KIF13A: variants seen among roughly 807,000 people sequenced by gnomAD.
The protein encoded by KIF13A is kinesin-like protein KIF13A.
In KIF13A, 79 loss-of-function variants were observed where a neutral mutation model predicts 212.2. The ratio of observed to expected loss-of-function variants is 0.37; its 90% CI spans 0.31 to 0.45. The LOEUF (loss-of-function observed/expected upper bound fraction) is 0.45. KIF13A is among the 20% of genes least tolerant of loss of function. The probability of loss-of-function intolerance (pLI) is 1.00; values close to 1 mark genes in which losing one functional copy is unlikely to be tolerated. For missense variants in KIF13A, 1,901 were observed against 2,209.0 expected, an observed-to-expected ratio of 0.86 and a Z score of 2.79; for synonymous variants, 789 against 808.6, an observed-to-expected ratio of 0.98 and a Z score of 0.41.
At chr6:17,791,876 G>A (rs1464781952) in intron 25 of KIF13A, among the ~76,000 whole-genome samples, 1 of 145,996 alleles carries the variant, frequency 6.8e-6, no homozygotes, top group East Asian at 2.0e-4. Flanking sequence ...CTCCAGCCTG[G>A]GTGACAGAGA....
intron 16 of KIF13A, among the ~76,000 whole-genome samples, chr6:17,821,552 G>GGTGTGTGT (rs111387037): frequency 0.012 from 1,318 of 112,080 alleles, 70 homozygotes; most frequent in African/African-American, 0.032. Context: ...ATTGGGACAT[G>GGTGTGTGT]GTGTGTGTGT....
chr6:17,815,826 C>A (rs1043049200), intron 17 of KIF13A, among the ~76,000 whole-genome samples: 1 of 151,884 alleles, frequency 6.6e-6, no homozygotes, highest in Non-Finnish European at 1.5e-5. Flanking sequence ...GGTGGCTTGC[C>A]ACCCACACTC....
At chr6:17,779,778 C>A (rs543188717) in intron 31 of KIF13A, 94 bp from the exon 32 acceptor site, 11 of 473,372 alleles carry the variant, frequency 2.3e-5, no homozygotes, top group Admixed American at 4.1e-5. Context: ...GTCTCGCTGT[C>A]GCCCAGGCTG....
intron 2 of KIF13A, among the ~76,000 whole-genome samples, chr6:17,907,815 C>A (rs1210852236): frequency 6.6e-6 from 1 of 152,152 alleles, no homozygotes; most frequent in Non-Finnish European, 1.5e-5. Context: ...TAGACAAGAA[C>A]CAAAATGCAG....
rs1781376581 is a variant in KIF13A at position 17,984,498 on chromosome 6, C to T, written c.146+2556G>A. ...GCAACAAAACAAACATCTTTAACCTCAGAGATCCTCTGATCTTTTAGTCCT... is the reference window on the plus strand; with the variant it reads ...GCAACAAAACAAACATCTTTAACCTTAGAGATCCTCTGATCTTTTAGTCCT... On this transcript the variant is annotated intron_variant, in intron 2 of 38. Transcript: ENST00000259711. This position sits in a 1 kb window ranked among gnomAD's most constrained non-coding sequence, Gnocchi z 5.0. The T allele has an allele frequency of 1.0e-6, 1 of 984,624 alleles. No homozygotes were observed. The highest frequency in any genetic ancestry group is 6.1e-5 in the Admixed American group (1 of 16,268). The allele number at this position is 984,624 out of a possible 1,614,324, so 61.0% of individuals were successfully genotyped here.
Position 17,775,064 on chromosome 6 carries a change from T to A in KIF13A, c.4171-2A>T, listed in dbSNP as rs1173359144. 6.2e-7 allele frequency: 1 copy of A among 1,609,998 alleles called. No individual in the cohort carries two copies. Among genetic ancestry groups the A allele is most frequent in the African/African-American group, 1.3e-5 (1 of 74,934 alleles). ...AAGGTCCGGTCGGCTGGAAGAGACCTATAAGAGAAGAATGGTTTTAGCAAT... is the reference window on the plus strand; with the variant it reads ...AAGGTCCGGTCGGCTGGAAGAGACCAATAAGAGAAGAATGGTTTTAGCAAT... On this transcript the variant is annotated splice_acceptor_variant, in intron 34 of 38. Transcript: ENST00000259711. LOFTEE classifies it high-confidence loss of function.
rs1766675195 is a variant in KIF13A, at chr6:17,843,032, T to C, written c.831-5449A>G. ...TCCAATAATCAGTTCTAAGATCATA[T>C]ATATAATACTTATTAAACTTTATTG... On this transcript the variant is annotated intron_variant, in intron 9 of 38. Transcript: ENST00000259711. The surrounding 1 kb of genome is among the most constrained non-coding windows in gnomAD (Gnocchi z 5.3). Among the ~76,000 whole-genome samples the C allele has an allele frequency of 6.6e-6, 1 of 152,186 alleles. No homozygotes were observed. Among genetic ancestry groups the C allele is most frequent in the South Asian group, 2.1e-4 (1 of 4,832 alleles).
In KIF13A at chr6:17,771,904, T is replaced by G. The variant is rs1328419244; in HGVS notation, c.4476+4A>C. The G allele has an allele frequency of 6.2e-7, 1 of 1,613,888 alleles. No homozygotes were observed. Among genetic ancestry groups the G allele is most frequent in the Non-Finnish European group, 8.5e-7 (1 of 1,179,820 alleles). ...TGCATAGTACAGACAAGTCAAGCAT[T>G]TACCTCCTGGCTTAGAAGAGGCCTT... is the stretch of plus-strand genomic sequence containing the variant. On this transcript the variant is annotated splice_donor_region_variant and intron_variant, in intron 37 of 38. Transcript: ENST00000259711. This position sits in a 1 kb window ranked among gnomAD's most constrained non-coding sequence, Gnocchi z 5.4.
At position 17,915,894 on chromosome 6, in the gene KIF13A, TGGCAC is replaced by T. The variant is rs1561757437; in HGVS notation, c.147-17719_147-17715del. The stretch of plus-strand genomic sequence containing the variant: ...GTAGGATCATTGCAGTAAGCCAAGA[TGGCAC>T]CACTGCACTCAAGCCTGGGTGACAG... On this transcript the variant is annotated intron_variant, in intron 2 of 38. Transcript: ENST00000259711. This position sits in a 1 kb window ranked among gnomAD's most constrained non-coding sequence, Gnocchi z 4.4. Among the ~76,000 whole-genome samples the T allele has an allele frequency of 6.7e-6, 1 of 149,888 alleles. No individual in the cohort carries two copies. The highest frequency in any genetic ancestry group is 1.5e-5 in the Non-Finnish European group (1 of 67,740).
intron 3 of KIF13A, among the ~76,000 whole-genome samples, chr6:17,876,560 T>C (rs1770572403): frequency 6.6e-6 from 1 of 152,234 alleles, no homozygotes; most frequent in African/African-American, 2.4e-5. Context: ...TCCTTTTTTA[T>C]GGCTCCTATC....
At chr6:17,974,142 C>T (rs952510041) in intron 2 of KIF13A, among the ~76,000 whole-genome samples, 13 of 152,122 alleles carry the variant, frequency 8.5e-5, no homozygotes, top group African/African-American at 2.4e-4. Flanking sequence ...AGTGCAATGG[C>T]GTGATCTCAG....
At chr6:17,790,007 C>G in intron 25 of KIF13A, 97 bp from the exon 26 acceptor site, 2 of 908,988 alleles carry the variant, frequency 2.2e-6, no homozygotes, top group Non-Finnish European at 3.5e-6. Context: ...TTAAAATGGA[C>G]AGCTTACCTA....
chr6:17,780,740 T>A lies in KIF13A; in HGVS notation c.3836A>T (p.Tyr1279Phe). Residue 1279 changes from tyrosine to phenylalanine, a missense_variant, in exon 31 of 39, where the codon TAC becomes TTC. Tyr to Phe is a conservative substitution (Grantham distance 22). This residue lies in a region of KIF13A where 687 missense variants were observed against 759.1 expected (regional missense o/e 0.90). Coordinates refer to ENST00000259711, the MANE Select transcript of KIF13A (RefSeq NM_022113.6). ...AGGCCCCGTTATTACCTGTTTGTTG[T>A]AAATATTGGCTGCAATTCGTTTTCG... is the stretch of plus-strand genomic sequence containing the variant. ...VLRKRIAANI[Y>F]NKQSFTQSLK... is the part of the protein sequence containing the mutation. 1.2e-6 allele frequency: 2 copies of A among 1,613,882 alleles called. No homozygotes were observed. The highest frequency in any genetic ancestry group is 1.7e-6 in the Non-Finnish European group (2 of 1,179,800).
At position 17,867,841 on chromosome 6, in the gene KIF13A, T is replaced by C. The variant is rs539728004; in HGVS notation, c.220+5536A>G. Among the ~76,000 whole-genome samples, 15 of 152,346 alleles carry C rather than the reference T, an allele frequency of 9.8e-5. No homozygotes were observed. The South Asian group carries it at 2.9e-3, about 29-fold the overall frequency. The stretch of plus-strand genomic sequence containing the variant: ...CAAATGTTTTGTCTCATTACGATTC[T>C]GGTTAGTTAAGTTAATATTTAGTTA... On this transcript the variant is annotated intron_variant, in intron 4 of 38. Coordinates refer to ENST00000259711, the MANE Select transcript of KIF13A (RefSeq NM_022113.6).
chr6:17,884,065 A>T (rs1450853002), intron 3 of KIF13A, among the ~76,000 whole-genome samples: 1 of 152,178 alleles, frequency 6.6e-6, no homozygotes, highest in Non-Finnish European at 1.5e-5. Context: ...CTCCCTGCCC[A>T]GTGAAGTACA....
intron 3 of KIF13A, among the ~76,000 whole-genome samples, chr6:17,896,078 T>G (rs1056080235): frequency 6.6e-6 from 1 of 152,228 alleles, no homozygotes; most frequent in African/African-American, 2.4e-5. Flanking sequence ...TCCTACTCTG[T>G]TGGTCCCCTG....
At chr6:17,946,581 T>C (rs1289213420) in intron 2 of KIF13A, among the ~76,000 whole-genome samples, 1 of 152,196 alleles carries the variant, frequency 6.6e-6, no homozygotes, top group Non-Finnish European at 1.5e-5. Context: ...AAAACCACAA[T>C]AAAATATCAT....
intron 2 of KIF13A, among the ~76,000 whole-genome samples, chr6:17,942,793 C>T (rs1777061483): frequency 1.3e-5 from 2 of 152,116 alleles, no homozygotes; most frequent in African/African-American, 4.8e-5. Context: ...GCCTGGCCAA[C>T]ATGGTGAAAC....
rs1322299351 is a variant in KIF13A at position 17,883,787 on chromosome 6, T to C, written c.160-10350A>G. Among the ~76,000 whole-genome samples the C allele has an allele frequency of 6.6e-6, 1 of 152,090 alleles. No individual in the cohort carries two copies. Among genetic ancestry groups the C allele is most frequent in the Admixed American group, 6.5e-5 (1 of 15,272 alleles). Reference sequence around the variant, plus strand: ...AAGGGGAGAGCCAGGTGCAATGGTATGCACCTGCAGTCCCAGCTGCTTGTG... The same window carrying C: ...AAGGGGAGAGCCAGGTGCAATGGTACGCACCTGCAGTCCCAGCTGCTTGTG... On this transcript the variant is annotated intron_variant, in intron 3 of 38. Transcript: ENST00000259711. This position sits in a 1 kb window ranked among gnomAD's most constrained non-coding sequence, Gnocchi z 4.8.
Sources: allele counts gnomAD v4.1 joint callset (sites outside exome capture counted in the v4.1 genomes callset), GRCh38; gene constraint gnomAD v4.1.1; regional missense constraint gnomAD v4.1.1; non-coding constraint Gnocchi (gnomAD v3.1); transcripts MANE v1.5; gene names NCBI Gene and HGNC (gene_info 2026-07-23, HGNC 2026-07-21).